The following DLG2 variants were observed in gnomAD, a reference collection of about 807,000 sequenced individuals.
DLG2 encodes discs large MAGUK scaffold protein 2.
Under a neutral mutation model 132.5 loss-of-function variants are expected in DLG2, and 45 were observed. That is an observed-to-expected ratio of 0.34 (90% CI 0.27 to 0.44). The LOEUF is 0.44. Ranked by LOEUF, DLG2 falls within the 20% of genes least tolerant of loss-of-function variation. The pLI, the probability that DLG2 is intolerant of heterozygous loss-of-function variation, is 1.00. For synonymous variants in DLG2, 424 were observed against 419.6 expected, an observed-to-expected ratio of 1.01 and a Z score of -0.13; for missense variants, 1,045 against 1,196.9, an observed-to-expected ratio of 0.87 and a Z score of 1.87.
intron 9 of DLG2, among the ~76,000 whole-genome samples, chr11:84,154,340 C>CA (rs1440065687): frequency 6.6e-6 from 1 of 152,136 alleles, no homozygotes; most frequent in Non-Finnish European, 1.5e-5. Context: ...CTTATTCTAA[C>CA]AATTGAAATC....
intron 7 of DLG2, among the ~76,000 whole-genome samples, chr11:84,372,973 A>G (rs2154429947): frequency 6.6e-6 from 1 of 152,106 alleles, no homozygotes; most frequent in Non-Finnish European, 1.5e-5. Context: ...TGAAACCACG[A>G]GAGTTACTGG....
At position 85,513,084 on chromosome 11, in the gene DLG2, C is replaced by T. The variant is rs552096457; in HGVS notation, c.40+85573G>A. Among the ~76,000 whole-genome samples the T allele has an allele frequency of 2.6e-5, 4 of 152,006 alleles. No homozygotes were observed. In the South Asian group the frequency reaches 6.2e-4, roughly 24 times the overall value. On this transcript the variant is annotated intron_variant, in intron 3 of 27. Coordinates refer to ENST00000376104, the MANE Select transcript of DLG2 (RefSeq NM_001142699.3). ...GAGGCCATTATTCTAAGTGAATTAACACAGAAAGAGAAAACAAAACACAGC... is the reference window on the plus strand; with the variant it reads ...GAGGCCATTATTCTAAGTGAATTAATACAGAAAGAGAAAACAAAACACAGC...
intron 6 of DLG2, among the ~76,000 whole-genome samples, chr11:85,060,315 T>C (rs1401916127): frequency 6.6e-6 from 1 of 150,700 alleles, no homozygotes; most frequent in Non-Finnish European, 1.5e-5. Context: ...GTATATAATA[T>C]ATAACATAAG....
chr11:83,807,814 T>A (rs2046298405), intron 17 of DLG2, among the ~76,000 whole-genome samples: 1 of 152,156 alleles, frequency 6.6e-6, no homozygotes, highest in Non-Finnish European at 1.5e-5. Context: ...ATGGGAAAAC[T>A]GAGGCACAGA....
chr11:83,810,217 CA>C (rs1481609091), intron 17 of DLG2, among the ~76,000 whole-genome samples: 1 of 151,832 alleles, frequency 6.6e-6, no homozygotes, highest in African/African-American at 2.4e-5. Flanking sequence ...GATTTTCAAC[CA>C]AAAAAACTTG....
At chr11:84,802,964 TAA>T (rs2075591768) in intron 6 of DLG2, among the ~76,000 whole-genome samples, 1 of 152,098 alleles carries the variant, frequency 6.6e-6, no homozygotes, top group African/African-American at 2.4e-5. Flanking sequence ...CACACCTGGC[TAA>T]TTTTTTGTAT....
At chr11:85,110,458 T>C (rs929704834) in intron 6 of DLG2, among the ~76,000 whole-genome samples, 1 of 151,844 alleles carries the variant, frequency 6.6e-6, no homozygotes, top group African/African-American at 2.4e-5. Flanking sequence ...AACCACATCC[T>C]TTCTCTATCA....
At chr11:84,210,948 A>G (rs1478025535) in intron 8 of DLG2, among the ~76,000 whole-genome samples, 2 of 152,194 alleles carry the variant, frequency 1.3e-5, no homozygotes, top group Non-Finnish European at 2.9e-5. Context: ...AGCAATCTGT[A>G]CACTTTAAGA....
At chr11:84,109,553 C>T (rs1208793778) in intron 9 of DLG2, among the ~76,000 whole-genome samples, 1 of 152,200 alleles carries the variant, frequency 6.6e-6, no homozygotes, top group African/African-American at 2.4e-5. Flanking sequence ...GTCAGTGATA[C>T]TCCAACTACA....
chr11:83,514,449 T>A (rs1353352454), intron 21 of DLG2, among the ~76,000 whole-genome samples: 1 of 152,230 alleles, frequency 6.6e-6, no homozygotes, highest in Non-Finnish European at 1.5e-5. Context: ...TGGGGTTTTC[T>A]AGATATACAA....
chr11:84,311,388 T>C (rs1433670445), intron 7 of DLG2, among the ~76,000 whole-genome samples: 1 of 152,210 alleles, frequency 6.6e-6, no homozygotes, highest in Non-Finnish European at 1.5e-5. Flanking sequence ...TCAATTCTTA[T>C]AACATTTCCC....
intron 3 of DLG2, among the ~76,000 whole-genome samples, chr11:85,495,996 C>A (rs974908870): frequency 6.6e-6 from 1 of 152,126 alleles, no homozygotes; most frequent in East Asian, 1.9e-4. Context: ...GCAGAAGACA[C>A]GTGATTTCTG....
intron 6 of DLG2, among the ~76,000 whole-genome samples, chr11:84,729,450 T>G (rs551202709): frequency 6.6e-6 from 1 of 152,168 alleles, no homozygotes; most frequent in African/African-American, 2.4e-5. Flanking sequence ...AGACTGTTTG[T>G]TATGATTTCC....
intron 6 of DLG2, among the ~76,000 whole-genome samples, chr11:84,847,220 CAAG>C (rs2081583925): frequency 6.6e-6 from 1 of 152,014 alleles, no homozygotes; most frequent in African/African-American, 2.4e-5. Flanking sequence ...ATGCAGAAGC[CAAG>C]AAGGGCCTAC....
chr11:83,597,764 G>T lies in DLG2; in HGVS notation c.1940+35447C>A, dbSNP rs1210483965. Among the ~76,000 whole-genome samples, 5 of 151,390 alleles carry T rather than the reference G, an allele frequency of 3.3e-5. No homozygotes were observed. In the East Asian group the frequency reaches 9.7e-4, roughly 29 times the overall value. On this transcript the variant is annotated intron_variant, in intron 19 of 27. Transcript: ENST00000376104. ...TGCACCACTGCACTCCCACCTGGAA[G>T]ACAGAGTGAGCTCCCTGTCTCAAAA...
chr11:84,293,706 C>T (rs950601426), intron 7 of DLG2, among the ~76,000 whole-genome samples: 1 of 152,000 alleles, frequency 6.6e-6, no homozygotes, highest in Non-Finnish European at 1.5e-5. Flanking sequence ...ATAAAGATAT[C>T]ATAAAGGCTC....
At chr11:85,548,623 A>C (rs2076474990) in intron 3 of DLG2, among the ~76,000 whole-genome samples, 1 of 152,052 alleles carries the variant, frequency 6.6e-6, no homozygotes. Flanking sequence ...TGTCCCAGGG[A>C]GGTGGGGGTT....
At chr11:84,675,432 A>G (rs755012269) in intron 6 of DLG2, among the ~76,000 whole-genome samples, 4 of 152,096 alleles carry the variant, frequency 2.6e-5, no homozygotes, top group Non-Finnish European at 5.9e-5. Flanking sequence ...AGGGATTCGA[A>G]GATATTTTTA....
rs1434194128 is a variant in DLG2 at position 84,751,864 on chromosome 11, T to C, written c.358-217133A>G. ...ATGGATTGGCAAAGAAAAAATTAGA[T>C]AAACTGATTTTTCTTTCCTTGATTT... is the stretch of plus-strand genomic sequence containing the variant. On this transcript the variant is annotated intron_variant, in intron 6 of 27. Transcript: ENST00000376104. 1.3e-5 allele frequency among the ~76,000 whole-genome samples: 2 copies of C among 152,188 alleles called. 1 individual carries two copies. Among genetic ancestry groups the C allele is most frequent in the Middle Eastern group, 6.3e-3 (2 of 316 alleles).
Sources: allele counts gnomAD v4.1 joint callset (sites outside exome capture counted in the v4.1 genomes callset), GRCh38; gene constraint gnomAD v4.1.1; transcripts MANE v1.5; gene names NCBI Gene and HGNC (gene_info 2026-07-23, HGNC 2026-07-21).